Variants in CACNG4 observed in about 807,000 individuals in gnomAD.
CACNG4 encodes the protein voltage-dependent calcium channel gamma-4 subunit.
Under a neutral mutation model 22.9 loss-of-function variants are expected in CACNG4, and 8 were observed. The ratio of observed to expected loss-of-function variants is 0.35; its 90% confidence interval spans 0.21 to 0.63. The LOEUF is 0.63. CACNG4 is among the 30% of genes least tolerant of loss of function. The pLI, the probability that CACNG4 is intolerant of heterozygous loss-of-function variation, is 0.72. For missense variants in CACNG4, 357 were observed against 455.4 expected, an observed-to-expected ratio of 0.78 and a Z score of 1.97; for synonymous variants, 188 against 191.9, an observed-to-expected ratio of 0.98 and a Z score of 0.17.
chr17:67,011,219 G>T (rs548554124), intron 1 of CACNG4, among the ~76,000 whole-genome samples: 2 of 152,286 alleles, frequency 1.3e-5, no homozygotes, highest in African/African-American at 2.4e-5. Context: ...TTTCTTGCTG[G>T]TCCCTGGACT....
At chr17:66,977,565 A>T (rs1209455334) in intron 1 of CACNG4, among the ~76,000 whole-genome samples, 2 of 152,030 alleles carry the variant, frequency 1.3e-5, no homozygotes, top group East Asian at 3.9e-4. Context: ...ATAATGATAG[A>T]CCCTCCCCTC....
intron 2 of CACNG4, among the ~76,000 whole-genome samples, chr17:67,022,692 C>G (rs2035539123): frequency 6.6e-6 from 1 of 152,254 alleles, no homozygotes; most frequent in African/African-American, 2.4e-5. Flanking sequence ...CCAGTGCGGC[C>G]CGACTCACTG....
chr17:66,988,046 T>A (rs2035314846), intron 1 of CACNG4, among the ~76,000 whole-genome samples: 1 of 145,774 alleles, frequency 6.9e-6, no homozygotes, highest in Admixed American at 6.7e-5. Context: ...TGTGTGTGTG[T>A]GTGTGTGTAT....
At position 66,964,887 on chromosome 17, in the gene CACNG4, G is replaced by T; in HGVS notation, c.-25G>T. On this transcript the variant is annotated 5_prime_UTR_variant, in exon 1 of 4. Transcript: ENST00000262138. ...GCGGGCGCGGCGGGCCGGGCCGGCG[G>T]GCGGCGGACTATGAGGCGCCCACCA... is the stretch of plus-strand genomic sequence containing the variant. 7.3e-7 allele frequency: 1 copy of T among 1,368,176 alleles called. No individual in the cohort carries two copies. The highest frequency in any genetic ancestry group is 9.5e-7 in the Non-Finnish European group (1 of 1,051,606). The allele number at this position is 1,368,176 out of a possible 1,614,324, so 84.8% of individuals were successfully genotyped here.
intron 1 of CACNG4, among the ~76,000 whole-genome samples, chr17:66,994,327 CA>C (rs142191712): frequency 1.2e-3 from 150 of 125,678 alleles, no homozygotes; most frequent in Admixed American, 1.3e-3. Flanking sequence ...ACCCTATTTC[CA>C]AAAAAAAAAA....
At chr17:67,001,735 CA>C (rs1270119738) in intron 1 of CACNG4, among the ~76,000 whole-genome samples, 1 of 152,222 alleles carries the variant, frequency 6.6e-6, no homozygotes, top group East Asian at 1.9e-4. Flanking sequence ...TCCAGGACTT[CA>C]GGGGCCCTCA....
At chr17:67,010,503 A>G (rs1456805220) in intron 1 of CACNG4, among the ~76,000 whole-genome samples, 2 of 152,186 alleles carry the variant, frequency 1.3e-5, no homozygotes, top group African/African-American at 2.4e-5. Context: ...CCTGTCTACC[A>G]TATAGGGTTA....
chr17:66,999,320 G>T (rs2035393598), intron 1 of CACNG4, among the ~76,000 whole-genome samples: 1 of 152,104 alleles, frequency 6.6e-6, no homozygotes. Context: ...AGTTAGCATG[G>T]GAATAGCTCC....
chr17:67,023,018 G>T (rs2035541216), intron 2 of CACNG4, among the ~76,000 whole-genome samples: 2 of 152,214 alleles, frequency 1.3e-5, no homozygotes, highest in Non-Finnish European at 2.9e-5. Context: ...AAGTCAAGGT[G>T]TTGGGGGACC....
chr17:67,030,813 A>G lies in CACNG4; in HGVS notation c.793A>G (p.Ile265Val). 3.1e-6 allele frequency: 5 copies of G among 1,614,006 alleles called. No homozygotes were observed. The highest frequency in any genetic ancestry group is 3.4e-6 in the Non-Finnish European group (4 of 1,180,014). Residue 265 changes from isoleucine to valine, a missense_variant, in exon 4 of 4, where the codon ATC becomes GTC. Physicochemically the swap from Ile to Val is conservative, Grantham distance 29. This residue lies in a region of CACNG4 where 240 missense variants were observed against 277.6 expected (regional missense o/e 0.86). Transcript: ENST00000262138. This position sits in a 1 kb window ranked among gnomAD's most constrained non-coding sequence, Gnocchi z 6.4. Reference sequence around the variant, plus strand: ...GGACGTGTCGCCCATGGGCCTGAAGATCACAGGGGCCATCCCCATGGGGGA... The same window carrying G: ...GGACGTGTCGCCCATGGGCCTGAAGGTCACAGGGGCCATCCCCATGGGGGA... Reference protein sequence around the residue: ...SRDVSPMGLKITGAIPMGELS... With the variant: ...SRDVSPMGLKVTGAIPMGELS...
chr17:66,981,634 G>A (rs964882303), intron 1 of CACNG4, among the ~76,000 whole-genome samples: 3 of 152,176 alleles, frequency 2.0e-5, no homozygotes, highest in African/African-American at 7.2e-5. Context: ...TGAGCCGCCC[G>A]TGAGTAGGAC....
intron 1 of CACNG4, among the ~76,000 whole-genome samples, chr17:66,988,035 T>TTG (rs747107768): frequency 0.029 from 4,250 of 148,966 alleles, 92 homozygotes; most frequent in African/African-American, 0.067. Flanking sequence ...TACATCCTTT[T>TTG]TGTGTGTGTG....
intron 2 of CACNG4, among the ~76,000 whole-genome samples, chr17:67,023,303 T>A (rs1273511750): frequency 8.4e-6 from 1 of 119,494 alleles, no homozygotes; most frequent in Non-Finnish European, 1.6e-5. Context: ...TGAGACAGAG[T>A]CTCGCTCTGT....
chr17:67,014,440 C>T (rs1258896192), intron 1 of CACNG4, among the ~76,000 whole-genome samples: 4 of 152,056 alleles, frequency 2.6e-5, no homozygotes, highest in African/African-American at 9.7e-5. Flanking sequence ...AAAAAAAATC[C>T]TAGGAGACCG....
At position 67,033,053 on chromosome 17, in the gene CACNG4, A is replaced by G. The variant is rs2035618910; in HGVS notation, c.*2049A>G. The G allele has an allele frequency of 6.6e-6, 1 of 152,658 alleles. No homozygotes were observed. The highest frequency in any genetic ancestry group is 2.1e-4 in the South Asian group (1 of 4,824). The allele number at this position is 152,658 out of a possible 1,614,324, so 9.5% of individuals were successfully genotyped here. ...TTGCCCAGTCCCAGGCAGAGTAAGC[A>G]GGGCCCACCTAGGGACCAAGAAAGA... On this transcript the variant is annotated 3_prime_UTR_variant, in exon 4 of 4. Coordinates refer to ENST00000262138, the MANE Select transcript of CACNG4 (RefSeq NM_014405.4).
At position 67,027,258 on chromosome 17, in the gene CACNG4, G is replaced by C. The variant is rs2035573840; in HGVS notation, c.445+2258G>C. 1.3e-5 allele frequency among the ~76,000 whole-genome samples: 2 copies of C among 152,224 alleles called. No homozygotes were observed. The highest frequency in any genetic ancestry group is 6.5e-5 in the Admixed American group (1 of 15,290). ...GCAGCTGCCCGTGCCCCCAGGAGGA[G>C]CCGTTTCAAAGGCAGGCCCAGATGC... On this transcript the variant is annotated intron_variant, in intron 3 of 3. Coordinates refer to ENST00000262138, the MANE Select transcript of CACNG4 (RefSeq NM_014405.4). The surrounding 1 kb of genome is among the most constrained non-coding windows in gnomAD (Gnocchi z 4.3).
intron 1 of CACNG4, among the ~76,000 whole-genome samples, chr17:66,982,537 T>C (rs1024837274): frequency 2.0e-5 from 3 of 152,166 alleles, no homozygotes; most frequent in Non-Finnish European, 2.9e-5. Context: ...AGAGTGCTGA[T>C]TGGTGCATTT....
At chr17:66,995,305 G>A (rs552957667) in intron 1 of CACNG4, among the ~76,000 whole-genome samples, 3 of 152,266 alleles carry the variant, frequency 2.0e-5, no homozygotes, top group East Asian at 1.9e-4. Context: ...TCCAGACCTC[G>A]ACTGGGAGGG....
At chr17:66,989,053 T>A (rs2143303764) in intron 1 of CACNG4, among the ~76,000 whole-genome samples, 2 of 114,544 alleles carry the variant, frequency 1.7e-5, no homozygotes, top group Admixed American at 2.1e-4. Flanking sequence ...AGAGCAAGAC[T>A]CTGCCTCAAA....
Sources: gnomAD v4.1 joint callset for allele counts (sites outside exome capture counted in the v4.1 genomes callset) on GRCh38, gnomAD v4.1.1 for gene constraint, gnomAD v4.1.1 regional missense constraint, Gnocchi (gnomAD v3.1) non-coding constraint, MANE v1.5 for transcripts, NCBI Gene and HGNC (gene_info 2026-07-23, HGNC 2026-07-21) for gene names.